The following GALNS variants were observed in gnomAD, a reference collection of about 807,000 sequenced individuals.
GALNS encodes the protein N-acetylgalactosamine-6-sulfatase.
GALNS carries 65 observed loss-of-function variants against 65.9 expected under a neutral mutation model. The observed-to-expected ratio is 0.99, with a 90% CI of 0.81 to 1.21. The LOEUF (loss-of-function observed/expected upper bound fraction) is 1.21, where lower values mean the gene tolerates loss of function less well. Among genes scored for constraint, GALNS ranks in the 50% most tolerant of loss-of-function variants. GALNS has a pLI of 0.00. For synonymous variants in GALNS, 346 were observed against 288.9 expected (o/e 1.20, Z -2.00); for missense variants, 776 against 700.7 (o/e 1.11, Z -1.21).
chr16:88,827,932 C>T (rs1249987578), intron 9 of GALNS, among the ~76,000 whole-genome samples: 2 of 152,252 alleles, frequency 1.3e-5, no homozygotes, highest in African/African-American at 2.4e-5. Flanking sequence ...GGCACCCTCG[C>T]CGCCTGCAGC....
In GALNS at chr16:88,839,311, G is replaced by A. The variant is rs117991075; in HGVS notation, c.423-1546C>T. ...CGCCAACGTCCGCAGGTCACCGCCCGGCCACAGGGGACACTCGTGCTTCCA... is the reference window on the plus strand; with the variant it reads ...CGCCAACGTCCGCAGGTCACCGCCCAGCCACAGGGGACACTCGTGCTTCCA... On this transcript the variant is annotated intron_variant, in intron 4 of 13. Transcript: ENST00000268695. Among the ~76,000 whole-genome samples, 1,139 of 146,104 alleles carry A rather than the reference G, an allele frequency of 7.8e-3. 18 individuals carry two copies. Among genetic ancestry groups the A allele is most frequent in the East Asian group, 0.037 (183 of 4,914 alleles).
chr16:88,835,997 G>A (rs372785349), intron 6 of GALNS, 148 bp from the exon 7 acceptor site: 232 of 1,291,724 alleles, frequency 1.8e-4, no homozygotes, highest in African/African-American at 9.0e-4. Flanking sequence ...TGCGGTCCCC[G>A]TCCCCACGCG....
chr16:88,832,033 G>A lies in GALNS; in HGVS notation c.967C>T (p.Leu323Phe). 5 of 1,613,816 alleles carry A rather than the reference G, an allele frequency of 3.1e-6. No individual in the cohort carries two copies. The highest frequency in any genetic ancestry group is 3.4e-6 in the Non-Finnish European group (4 of 1,179,908). Reference protein sequence around the residue: ...TFEGGMREPALAWWPGHVTAG... With the variant: ...TFEGGMREPAFAWWPGHVTAG... ...GTGACGTGCCCTGGCCACCATGCGA[G>A]GGCAGGCTCCCTCATCCCTCCTTCA... Residue 323 changes from leucine to phenylalanine, a missense_variant, in exon 9 of 14, where the codon CTC becomes TTC. Transcript: ENST00000268695.
In GALNS at chr16:88,846,601, G is replaced by A. The variant is rs1333890192; in HGVS notation, c.121-3772C>T. ...TCTCGACTCACTGCAACCTTTGCCT[G>A]CACGATCTCGGCTCACGGCAACCTT... On this transcript the variant is annotated intron_variant, in intron 1 of 13. Transcript: ENST00000268695. Among the ~76,000 whole-genome samples, 4 of 143,532 alleles carry A rather than the reference G, an allele frequency of 2.8e-5. No individual in the cohort carries two copies. In the East Asian group the frequency reaches 6.2e-4, roughly 22 times the overall value. 94.2% of individuals were successfully genotyped at this position (143,532 alleles called of 152,430 possible). A position where few individuals can be genotyped will look rare whatever the true frequency, so the allele number is the denominator to read the frequency against.
intron 1 of GALNS, chr16:88,856,221 C>A (rs748606482): frequency 6.1e-5 from 43 of 702,924 alleles, no homozygotes; most frequent in Non-Finnish European, 8.8e-5. Flanking sequence ...GCTCAGCATT[C>A]TCCAGAGGAC....
intron 9 of GALNS, among the ~76,000 whole-genome samples, chr16:88,827,966 C>T (rs1311824880): frequency 6.6e-6 from 1 of 152,234 alleles, no homozygotes; most frequent in African/African-American, 2.4e-5. Flanking sequence ...GGGCAGACGG[C>T]GATCGCCAGC....
intron 1 of GALNS, among the ~76,000 whole-genome samples, chr16:88,851,374 C>T (rs1019506520): frequency 2.0e-5 from 3 of 152,086 alleles, no homozygotes; most frequent in South Asian, 2.1e-4. Flanking sequence ...TTTAATTAGC[C>T]GGGTGTGGGG....
chr16:88,825,784 C>T (rs550803937), intron 10 of GALNS, among the ~76,000 whole-genome samples: 1 of 152,122 alleles, frequency 6.6e-6, no homozygotes, highest in South Asian at 2.1e-4. Flanking sequence ...AGCTGGGCAC[C>T]GTCTCTCCCC....
In GALNS at chr16:88,826,869, C is replaced by T. The variant is rs1007828885; in HGVS notation, c.1003-31G>A. The T allele has an allele frequency of 8.4e-6, 13 of 1,556,262 alleles. No individual in the cohort carries two copies. In the East Asian group the frequency reaches 1.7e-4, roughly 20 times the overall value. The stretch of plus-strand genomic sequence containing the variant: ...ACACATGGCAGCAACACGGTCAGGG[C>T]ACTCTGCACCGACCCGATGGGGCTG... On this transcript the variant is annotated intron_variant, in intron 9 of 13. Transcript: ENST00000268695.
At chr16:88,816,136 C>G (rs899062690) in intron 13 of GALNS, 1 of 985,346 alleles carries the variant, frequency 1.0e-6, no homozygotes, top group Admixed American at 6.1e-5. Flanking sequence ...ACTTTTCCCC[C>G]TGCAGAGAGC....
At chr16:88,841,504 C>T (rs1053506379) in intron 3 of GALNS, among the ~76,000 whole-genome samples, 1 of 152,204 alleles carries the variant, frequency 6.6e-6, no homozygotes, top group African/African-American at 2.4e-5. Flanking sequence ...CTGGAAATCC[C>T]ACTTCCCCTG....
At chr16:88,816,698 CT>C in intron 13 of GALNS, 2 of 985,478 alleles carry the variant, frequency 2.0e-6, no homozygotes, top group Non-Finnish European at 2.4e-6. Flanking sequence ...CTGTGGCTCC[CT>C]GGCTGTTCAG....
chr16:88,850,445 A>C (rs1156620104), intron 1 of GALNS, among the ~76,000 whole-genome samples: 1 of 152,170 alleles, frequency 6.6e-6, no homozygotes, highest in African/African-American at 2.4e-5. Flanking sequence ...GATGCAGCGG[A>C]AAATGCTGTA....
intron 13 of GALNS, chr16:88,816,038 T>C: frequency 1.0e-6 from 1 of 985,228 alleles, no homozygotes; most frequent in African/African-American, 1.7e-5. Context: ...TTCACACGCG[T>C]GTCTGTGCAT....
intron 11 of GALNS, among the ~76,000 whole-genome samples, 163 bp downstream of exon 11, chr16:88,824,604 T>C (rs1314004076): frequency 6.6e-6 from 1 of 152,164 alleles, no homozygotes; most frequent in Non-Finnish European, 1.5e-5. Context: ...TGCCATGCCC[T>C]AGGCCACGCT....
chr16:88,854,509 GCA>G (rs1026530171), intron 1 of GALNS, among the ~76,000 whole-genome samples: 1 of 152,232 alleles, frequency 6.6e-6, no homozygotes, highest in Non-Finnish European at 1.5e-5. Flanking sequence ...ATGATCAGGG[GCA>G]GTCTCCCTTC....
At chr16:88,832,672 G>T (rs1911632387) in intron 8 of GALNS, among the ~76,000 whole-genome samples, 2 of 152,178 alleles carry the variant, frequency 1.3e-5, no homozygotes, top group South Asian at 4.1e-4. Flanking sequence ...GAAGGGGGTG[G>T]GGGGCCCACG....
chr16:88,830,222 C>A, intron 9 of GALNS, among the ~76,000 whole-genome samples: 1 of 110,910 alleles, frequency 9.0e-6, no homozygotes. Flanking sequence ...CAGAGTGAGA[C>A]TTCATCTCAA....
chr16:88,841,345 C>T (rs1966963209), intron 3 of GALNS, among the ~76,000 whole-genome samples: 1 of 152,168 alleles, frequency 6.6e-6, no homozygotes, highest in Non-Finnish European at 1.5e-5. Flanking sequence ...CCAGCGCCTT[C>T]CTTGGGACTC....
Sources: gnomAD v4.1 joint callset for allele counts (sites outside exome capture counted in the v4.1 genomes callset) on GRCh38, gnomAD v4.1.1 for gene constraint, MANE v1.5 for transcripts, NCBI Gene and HGNC (gene_info 2026-07-23, HGNC 2026-07-21) for gene names.